KRT222: variants seen among roughly 807,000 people sequenced by gnomAD.
KRT222 encodes the protein keratin-like protein KRT222.
A neutral mutation model predicts 35.0 loss-of-function variants in KRT222; 23 were observed. The observed-to-expected ratio is 0.66, with a 90% CI of 0.47 to 0.93. KRT222 has a LOEUF of 0.93. Ranked by LOEUF, KRT222 falls within the 40% of genes least tolerant of loss-of-function variation. The probability of loss-of-function intolerance (pLI) is 0.00; values close to 1 mark genes in which losing one functional copy is unlikely to be tolerated. For missense variants in KRT222, 339 were observed against 346.3 expected (o/e 0.98, Z 0.17); for synonymous variants, 108 against 118.8 (o/e 0.91, Z 0.59).
chr17:40,659,187 A>T (rs1459953724), intron 3 of KRT222, among the ~76,000 whole-genome samples: 3 of 138,884 alleles, frequency 2.2e-5, no homozygotes. Context: ...GTGGAGTCTC[A>T]CTCTGTCGCC....
At position 40,660,013 on chromosome 17, in the gene KRT222, G is replaced by C. The variant is rs1295599698; in HGVS notation, c.420C>G (p.Arg140=). The C allele has an allele frequency of 6.2e-7, 1 of 1,614,062 alleles. No homozygotes were observed. The highest frequency in any genetic ancestry group is 1.1e-5 in the South Asian group (1 of 91,064). ...MRLEQEIATY[R]HLLEKEEIRY... ...TGATTTCTTCTTTTTCTAGGAGGTG[G>C]CGATAAGTTGCTATTTCTTGTTCCA... Residue 140 remains arginine, a synonymous_variant, in exon 3 of 6, where the codon CGC becomes CGG. Coordinates refer to ENST00000394052, the MANE Select transcript of KRT222 (RefSeq NM_152349.3).
At chr17:40,663,871 T>C (rs1377867328) in intron 1 of KRT222, among the ~76,000 whole-genome samples, 1 of 152,236 alleles carries the variant, frequency 6.6e-6, no homozygotes, top group African/African-American at 2.4e-5. Context: ...GTTTTGTTTA[T>C]GATTTTTAGA....
intron 3 of KRT222, 130 bp from the exon 4 acceptor site, chr17:40,657,880 G>T (rs2037356570): frequency 3.3e-6 from 2 of 608,694 alleles, no homozygotes; most frequent in South Asian, 2.4e-5. Flanking sequence ...ATGAACTAAG[G>T]CTTCACCGTA....
At chr17:40,659,434 C>T (rs988462554) in intron 3 of KRT222, among the ~76,000 whole-genome samples, 3 of 152,136 alleles carry the variant, frequency 2.0e-5, no homozygotes, top group Admixed American at 6.5e-5. Context: ...CTCAGCCTCC[C>T]GAAGTGCTGA....
rs1164261303 is a variant in KRT222 at position 40,656,572 on chromosome 17, G to A, written c.718C>T (p.Pro240Ser). The change falls in exon 6 of 6, where the codon CCT becomes TCT. Residue 240 changes from proline to serine, a missense_variant. Transcript: ENST00000394052. ...GAAACAGACTTTTTCCTCAATCGAG[G>A]GTTATCTTTAAAGAAAGAACCTTCC... ...EWEGSFFKDN[P>S]RLRKKSVSLR... 3.1e-6 allele frequency: 5 copies of A among 1,613,306 alleles called. No individual in the cohort carries two copies. In the Admixed American group the frequency reaches 8.3e-5, roughly 27 times the overall value.
intron 2 of KRT222, 69 bp downstream of exon 2, chr17:40,661,847 C>T (rs1567853784): frequency 3.9e-6 from 6 of 1,544,854 alleles, no homozygotes; most frequent in Non-Finnish European, 2.6e-6. Context: ...AGACATTCAT[C>T]TTTTCCTTCT....
In KRT222 at chr17:40,655,021, G is replaced by T. The variant is rs2037334413; in HGVS notation, c.*1381C>A. On this transcript the variant is annotated 3_prime_UTR_variant, in exon 6 of 6. Transcript: ENST00000394052. ...CCTGGTTAAAACATACATTTTTCTG[G>T]TTGAAATATATATATACATATATAT... is the stretch of plus-strand genomic sequence containing the variant. 1 of 79,292 alleles carries T rather than the reference G, an allele frequency of 1.3e-5. No individual in the cohort carries two copies. Among genetic ancestry groups the T allele is most frequent in the African/African-American group, 6.2e-5 (1 of 16,008 alleles). The allele number at this position is 79,292 out of a possible 1,614,324, so 4.9% of individuals were successfully genotyped here. A position where few individuals can be genotyped will look rare whatever the true frequency, so the allele number is the denominator to read the frequency against.
In KRT222 at chr17:40,659,867, C is replaced by G. The variant is rs1008685920; in HGVS notation, c.446+120G>C. ...CAGTGCATACCTTATTGTATGGGCT[C>G]AGTGAGTACACCATGATGATGATGG... is the stretch of plus-strand genomic sequence containing the variant. On this transcript the variant is annotated intron_variant, in intron 3 of 5. Transcript: ENST00000394052. The G allele has an allele frequency of 8.9e-6, 7 of 789,416 alleles. No homozygotes were observed. In the African/African-American group the frequency reaches 1.2e-4, roughly 14 times the overall value. 48.9% of individuals were successfully genotyped at this position (789,416 alleles called of 1,614,324 possible).
At chr17:40,657,292 CAA>C in intron 5 of KRT222, 58 bp downstream of exon 5, 2 of 1,195,140 alleles carry the variant, frequency 1.7e-6, no homozygotes, top group East Asian at 2.7e-5. Flanking sequence ...TGGGATTACG[CAA>C]AGTTAATTTC....
At chr17:40,656,951 G>T (rs559785316) in intron 5 of KRT222, among the ~76,000 whole-genome samples, 57 of 152,220 alleles carry the variant, frequency 3.7e-4, no homozygotes, top group African/African-American at 1.4e-3. Flanking sequence ...GCTCATGCCT[G>T]TAATCCCAGC....
Position 40,662,063 on chromosome 17 carries a change from G to C in KRT222, c.97-19C>G. The C allele has an allele frequency of 6.2e-7, 1 of 1,608,236 alleles. No individual in the cohort carries two copies. Among genetic ancestry groups the C allele is most frequent in the Non-Finnish European group, 8.5e-7 (1 of 1,178,204 alleles). On this transcript the variant is annotated intron_variant, in intron 1 of 5. Transcript: ENST00000394052. ...CTTCTAGCTAACAAGAAAGCCAACA[G>C]CAACAATAACAAACAAAAAACAAGG...
chr17:40,661,141 G>A lies in KRT222; in HGVS notation c.225+775C>T, dbSNP rs182562213. On this transcript the variant is annotated intron_variant, in intron 2 of 5. Coordinates refer to ENST00000394052, the MANE Select transcript of KRT222 (RefSeq NM_152349.3). ...TTGTATTTTTAGGAGAGATGTTTTC[G>A]CCATGTTGCTCAGGCTGGCTTCAAA... 4.0e-5 allele frequency among the ~76,000 whole-genome samples: 6 copies of A among 151,236 alleles called. No homozygotes were observed. In the South Asian group the frequency reaches 1.0e-3, roughly 26 times the overall value.
intron 1 of KRT222, 173 bp from the exon 2 acceptor site, chr17:40,662,217 T>C (rs1010718061): frequency 1.6e-6 from 1 of 644,244 alleles, no homozygotes; most frequent in East Asian, 3.0e-5. Context: ...AATATGTAAG[T>C]CCATTGCGTT....
intron 1 of KRT222, 158 bp downstream of exon 1, chr17:40,664,846 T>G: frequency 1.6e-6 from 2 of 1,217,860 alleles, no homozygotes; most frequent in Non-Finnish European, 2.3e-6. Context: ...TATTTCCCCC[T>G]GTAGTCCCAG....
chr17:40,656,740 G>A (rs961969164), intron 5 of KRT222, 110 bp from the exon 6 acceptor site: 6 of 613,280 alleles, frequency 9.8e-6, no homozygotes, highest in Middle Eastern at 4.4e-4. Flanking sequence ...ATAATTTATA[G>A]TGTATAGAAT....
In KRT222 at chr17:40,657,678, T is replaced by G; in HGVS notation, c.519A>C (p.Pro173=). 6.2e-7 allele frequency: 1 copy of G among 1,611,826 alleles called. No individual in the cohort carries two copies. Among genetic ancestry groups the G allele is most frequent in the Non-Finnish European group, 8.5e-7 (1 of 1,178,466 alleles). The stretch of plus-strand genomic sequence containing the variant: ...TTATTTATGTCAGAAACTCACCTGA[T>G]GGTAAAACAAAACCAACTCTACTTG... ...PTTSRVGFVL[P]SAIINEISFT... The change falls in exon 4 of 6, where the codon CCA becomes CCC. Residue 173 remains proline, a synonymous_variant. Coordinates refer to ENST00000394052, the MANE Select transcript of KRT222 (RefSeq NM_152349.3).
At chr17:40,659,861 T>C in intron 3 of KRT222, 126 bp downstream of exon 3, 1 of 770,278 alleles carries the variant, frequency 1.3e-6, no homozygotes, top group Non-Finnish European at 2.2e-6. Flanking sequence ...CCTTATTGTA[T>C]GGGCTCAGTG....
intron 3 of KRT222, among the ~76,000 whole-genome samples, chr17:40,659,649 C>T (rs1241803958): frequency 6.6e-6 from 1 of 152,142 alleles, no homozygotes; most frequent in Admixed American, 6.5e-5. Flanking sequence ...GTATTGAGCT[C>T]CTGAGCTGTA....
intron 4 of KRT222, 90 bp downstream of exon 4, chr17:40,657,584 T>TC: frequency 2.0e-6 from 3 of 1,500,952 alleles, no homozygotes; most frequent in Non-Finnish European, 2.7e-6. Flanking sequence ...TTGTTTTTTT[T>TC]CGACTTTAAA....
Sources: gnomAD v4.1 joint callset for allele counts (sites outside exome capture counted in the v4.1 genomes callset) on GRCh38, gnomAD v4.1.1 for gene constraint, MANE v1.5 for transcripts, NCBI Gene and HGNC (gene_info 2026-07-23, HGNC 2026-07-21) for gene names.